SIRT6: variants seen among roughly 807,000 people sequenced by gnomAD.
SIRT6 encodes NAD-dependent protein deacylase sirtuin-6.
Under a neutral mutation model 33.6 loss-of-function variants are expected in SIRT6, and 21 were observed. The observed-to-expected ratio is 0.62, with a 90% CI of 0.44 to 0.90. The LOEUF (loss-of-function observed/expected upper bound fraction) is 0.90. SIRT6 is among the 40% of genes least tolerant of loss of function. SIRT6 has a pLI of 0.00. For synonymous variants in SIRT6, 221 were observed against 223.9 expected (o/e 0.99, Z 0.12); for missense variants, 504 against 510.6 (o/e 0.99, Z 0.12).
chr19:4,179,691 G>C (rs369183595), intron 2 of SIRT6, among the ~76,000 whole-genome samples: 3 of 152,214 alleles, frequency 2.0e-5, no homozygotes, highest in Admixed American at 6.5e-5. Context: ...CTTGATCTTG[G>C]GGGAGACAGG....
intron 3 of SIRT6, among the ~76,000 whole-genome samples, chr19:4,178,603 A>G (rs1967441753): frequency 6.6e-6 from 1 of 152,106 alleles, no homozygotes; most frequent in African/African-American, 2.4e-5. Context: ...TAACCCCAGC[A>G]CTTTGGGAGG....
In SIRT6 at chr19:4,180,870, C is replaced by T; in HGVS notation, c.106G>A (p.Glu36Lys). 1 of 1,613,620 alleles carries T rather than the reference C, an allele frequency of 6.2e-7. No individual in the cohort carries two copies. Among genetic ancestry groups the T allele is most frequent in the South Asian group, 1.1e-5 (1 of 91,048 alleles). The change falls in exon 2 of 8, where the codon GAA (glutamate) becomes AAA (lysine). Residue 36 changes from glutamate (E) to lysine (K), a missense_variant. Glu to Lys is a moderately conservative substitution (Grantham distance 56). Coordinates refer to ENST00000337491, the MANE Select transcript of SIRT6 (RefSeq NM_016539.4). Reference protein sequence around the residue: ...PPEELERKVWELARLVWQSSS... With the variant: ...PPEELERKVWKLARLVWQSSS... The stretch of plus-strand genomic sequence containing the variant: ...GACTGCCAGACCAGCCTCGCCAGTT[C>T]CCACACCTTCCGCTCCAGCTCCTCC...
At position 4,174,468 on chromosome 19, in the gene SIRT6, C is replaced by T. The variant is rs980648093; in HGVS notation, c.*149G>A. ...GAGGCCCCTGGAGCCCAGGGAGGGA[C>T]CACGGAGGGCAGGTGTAACCCCTGG... On this transcript the variant is annotated 3_prime_UTR_variant, in exon 8 of 8. Transcript: ENST00000337491. This position sits in a 1 kb window ranked among gnomAD's most constrained non-coding sequence, Gnocchi z 4.2. The T allele has an allele frequency of 1.2e-5, 8 of 674,820 alleles. No homozygotes were observed. The highest frequency in any genetic ancestry group is 1.8e-5 in the Non-Finnish European group (8 of 451,582). The allele number at this position is 674,820 out of a possible 1,614,324, so 41.8% of individuals were successfully genotyped here. A position where few individuals can be genotyped will look rare whatever the true frequency, so the allele number is the denominator to read the frequency against.
At position 4,174,913 on chromosome 19, in the gene SIRT6, C is replaced by T. The variant is rs199584212; in HGVS notation, c.772G>A (p.Val258Ile). The T allele has an allele frequency of 4.3e-5, 69 of 1,605,436 alleles. No homozygotes were observed. Among genetic ancestry groups the T allele is most frequent in the South Asian group, 6.6e-5 (6 of 91,040 alleles). Residue 258 changes from valine to isoleucine, a missense_variant, in exon 8 of 8, where the codon GTT becomes ATT. Val to Ile is a conservative substitution (Grantham distance 29). Coordinates refer to ENST00000337491, the MANE Select transcript of SIRT6 (RefSeq NM_016539.4). The surrounding 1 kb of genome is among the most constrained non-coding windows in gnomAD (Gnocchi z 4.2). ...ATGAGCCGGGTCATGACCTCGTCAA[C>T]GTAGCCATGGATGCGGAGGTCAGCA... ...RHADLRIHGY[V>I]DEVMTRLMKH...
chr19:4,181,623 C>A (rs953090290), intron 1 of SIRT6, among the ~76,000 whole-genome samples: 1 of 152,118 alleles, frequency 6.6e-6, no homozygotes, highest in Non-Finnish European at 1.5e-5. Flanking sequence ...CCCGCCTCTA[C>A]TAAAAATACA....
Position 4,174,528 on chromosome 19 carries a change from G to T in SIRT6, c.*89C>A. 1.6e-6 allele frequency: 2 copies of T among 1,228,470 alleles called. No homozygotes were observed. Among genetic ancestry groups the T allele is most frequent in the Non-Finnish European group, 2.2e-6 (2 of 928,296 alleles). The allele number at this position is 1,228,470 out of a possible 1,614,324, so 76.1% of individuals were successfully genotyped here. ...CAGCTCTCAGAGCCCTGAGGCTCCCGGGGACAGAAACAAGTAACAAAGTGA... is the reference window on the plus strand; with the variant it reads ...CAGCTCTCAGAGCCCTGAGGCTCCCTGGGACAGAAACAAGTAACAAAGTGA... On this transcript the variant is annotated 3_prime_UTR_variant, in exon 8 of 8. Coordinates refer to ENST00000337491, the MANE Select transcript of SIRT6 (RefSeq NM_016539.4). This position sits in a 1 kb window ranked among gnomAD's most constrained non-coding sequence, Gnocchi z 4.2.
chr19:4,181,286 C>T (rs370298356), intron 1 of SIRT6, among the ~76,000 whole-genome samples: 3 of 152,212 alleles, frequency 2.0e-5, no homozygotes, highest in Non-Finnish European at 4.4e-5. Flanking sequence ...ACCCACATGG[C>T]TCCCTCCCTC....
Position 4,175,770 on chromosome 19 carries a change from G to T in SIRT6, c.534-10C>A. ...GTCCCTCAGCTCTCCCCTGCAATGA[G>T]GAAGCTGAGGAGAGTCCTCAGGGGC... is the stretch of plus-strand genomic sequence containing the variant. On this transcript the variant is annotated splice_polypyrimidine_tract_variant and intron_variant, in intron 5 of 7. Coordinates refer to ENST00000337491, the MANE Select transcript of SIRT6 (RefSeq NM_016539.4). 1 of 1,561,924 alleles carries T rather than the reference G, an allele frequency of 6.4e-7. No homozygotes were observed. Among genetic ancestry groups the T allele is most frequent in the Non-Finnish European group, 8.7e-7 (1 of 1,152,690 alleles).
intron 1 of SIRT6, chr19:4,182,186 G>T: frequency 2.4e-6 from 1 of 423,938 alleles, no homozygotes; most frequent in Non-Finnish European, 4.2e-6. Flanking sequence ...AGGCCTAATC[G>T]TTCTCCAGGT....
At chr19:4,180,635 A>C (rs1254326225) in intron 2 of SIRT6, 147 bp downstream of exon 2, 1 of 1,031,596 alleles carries the variant, frequency 9.7e-7, no homozygotes, top group Non-Finnish European at 1.4e-6. Context: ...ATGCCCAGCC[A>C]AGGGACACAT....
At chr19:4,181,214 C>A (rs1967638582) in intron 1 of SIRT6, among the ~76,000 whole-genome samples, 1 of 152,168 alleles carries the variant, frequency 6.6e-6, no homozygotes, top group Non-Finnish European at 1.5e-5. Context: ...CTCCTTGTTC[C>A]TCTATCACAC....
chr19:4,177,017 T>A, intron 4 of SIRT6, 62 bp downstream of exon 4: 1 of 1,455,046 alleles, frequency 6.9e-7, no homozygotes, highest in Non-Finnish European at 9.5e-7. Context: ...CTCTGGGACA[T>A]CGGATTCGAC....
At position 4,182,486 on chromosome 19, in the gene SIRT6, G is replaced by A. The variant is rs201510300; in HGVS notation, c.54C>T (p.Cys18=). Residue 18 remains cysteine (C), a synonymous_variant, in exon 1 of 8, where the codon TGC becomes TGT. Transcript: ENST00000337491. ...GLSPYADKGK[C]GLPEIFDPPE... ...CAGACGCGCTCACCTCCGGGAGGCC[G>A]CACTTGCCCTTGTCCGCGTACGGCG... 6.2e-7 allele frequency: 1 copy of A among 1,610,008 alleles called. No homozygotes were observed. Among genetic ancestry groups the A allele is most frequent in the Non-Finnish European group, 8.5e-7 (1 of 1,178,548 alleles).
intron 6 of SIRT6, chr19:4,175,385 G>C (rs996964658): frequency 1.1e-5 from 7 of 652,980 alleles, no homozygotes; most frequent in Non-Finnish European, 1.8e-5. Flanking sequence ...AGTGTGGTAA[G>C]AGCTTGGACA....
chr19:4,179,190 C>G lies in SIRT6; in HGVS notation c.291G>C (p.Ala97=). 1 of 1,612,292 alleles carries G rather than the reference C, an allele frequency of 6.2e-7. No individual in the cohort carries two copies. Among genetic ancestry groups the G allele is most frequent in the African/African-American group, 1.3e-5 (1 of 75,058 alleles). The change falls in exon 3 of 8, where the codon GCG becomes GCC. Residue 97 remains alanine, a synonymous_variant. Transcript: ENST00000337491. ...GGCCCACGCGCTCCAGCTGCACCAG[C>G]GCCATGTGGGTCTGCGTGGGCCGCG... ...ESARPTQTHM[A]LVQLERVGLL...
chr19:4,174,445 G>A lies in SIRT6; in HGVS notation c.*172C>T, dbSNP rs199545700. 3.8e-5 allele frequency: 20 copies of A among 527,710 alleles called. No homozygotes were observed. The Middle Eastern group carries it at 1.4e-3, about 38-fold the overall frequency. 32.7% of individuals were successfully genotyped at this position (527,710 alleles called of 1,614,324 possible). A position where few individuals can be genotyped will look rare whatever the true frequency, so the allele number is the denominator to read the frequency against. ...GGCTTCTTCCCGGAACCGCACCAGA[G>A]GCCCCTGGAGCCCAGGGAGGGACCA... On this transcript the variant is annotated 3_prime_UTR_variant, in exon 8 of 8. Transcript: ENST00000337491. The surrounding 1 kb of genome is among the most constrained non-coding windows in gnomAD (Gnocchi z 4.2).
rs1967771135 is a variant in SIRT6, at chr19:4,182,510, C to T, written c.30G>A (p.Ser10=). 1 of 1,611,272 alleles carries T rather than the reference C, an allele frequency of 6.2e-7. No individual in the cohort carries two copies. The highest frequency in any genetic ancestry group is 8.5e-7 in the Non-Finnish European group (1 of 1,179,136). The stretch of plus-strand genomic sequence containing the variant: ...CGCACTTGCCCTTGTCCGCGTACGG[C>T]GACAGCCCCGCCGCGTAATTCACCG... MSVNYAAGL[S]PYADKGKCGL... Residue 10 remains serine, a synonymous_variant, in exon 1 of 8, where the codon TCG becomes TCA. Coordinates refer to ENST00000337491, the MANE Select transcript of SIRT6 (RefSeq NM_016539.4).
At chr19:4,180,579 C>T (rs1967567283) in intron 2 of SIRT6, 2 of 517,362 alleles carry the variant, frequency 3.9e-6, no homozygotes, top group Admixed American at 7.8e-5. Context: ...CAGGGATTCA[C>T]CATATTGGCC....
At chr19:4,177,526 C>T (rs533109643) in intron 3 of SIRT6, among the ~76,000 whole-genome samples, 1 of 152,066 alleles carries the variant, frequency 6.6e-6, no homozygotes, top group Admixed American at 6.6e-5. Flanking sequence ...CATTGAATGG[C>T]CCTGAAGCAT....
Sources: gnomAD v4.1 joint callset for allele counts (sites outside exome capture counted in the v4.1 genomes callset) on GRCh38, gnomAD v4.1.1 for gene constraint, Gnocchi (gnomAD v3.1) non-coding constraint, MANE v1.5 for transcripts, NCBI Gene and HGNC (gene_info 2026-07-23, HGNC 2026-07-21) for gene names.